NPSR1: variants seen among roughly 807,000 people sequenced by gnomAD.
NPSR1 encodes neuropeptide S receptor.
Under a neutral mutation model 46.9 loss-of-function variants are expected in NPSR1, and 48 were observed. That is an observed-to-expected ratio of 1.02 (90% CI 0.81 to 1.30). The LOEUF is 1.30. Among genes scored for constraint, NPSR1 ranks in the 50% most tolerant of loss-of-function variants. The pLI, the probability that NPSR1 is intolerant of heterozygous loss-of-function variation, is 0.00. For synonymous variants in NPSR1, 176 were observed against 168.1 expected, an observed-to-expected ratio of 1.05 and a Z score of -0.36; for missense variants, 450 against 449.5, an observed-to-expected ratio of 1.00 and a Z score of -0.01.
At chr7:34,871,911 G>T (rs1356954700) in intron 8 of NPSR1, among the ~76,000 whole-genome samples, 1 of 151,818 alleles carries the variant, frequency 6.6e-6, no homozygotes, top group African/African-American at 2.4e-5. Context: ...TTTGCAAGCT[G>T]CCAATCTACC....
At chr7:34,718,074 A>G (rs1405458002) in intron 2 of NPSR1, among the ~76,000 whole-genome samples, 1 of 152,182 alleles carries the variant, frequency 6.6e-6, no homozygotes, top group Non-Finnish European at 1.5e-5. Context: ...AATATTGAGA[A>G]CCCAAAAGAA....
intron 2 of NPSR1, chr7:34,751,909 G>A (rs1785556540): frequency 1.4e-6 from 2 of 1,460,926 alleles, no homozygotes; most frequent in Non-Finnish European, 9.6e-7. Flanking sequence ...GTCTCCCGCA[G>A]TCACTCAAAC....
At chr7:34,848,740 T>A in intron 8 of NPSR1, 77 bp downstream of exon 8, 1 of 1,306,636 alleles carries the variant, frequency 7.7e-7, no homozygotes, top group Non-Finnish European at 1.1e-6. Flanking sequence ...GGGTTTCTCA[T>A]GTCCAAACTC....
At chr7:34,745,615 C>A (rs1263306825) in intron 2 of NPSR1, among the ~76,000 whole-genome samples, 1 of 152,134 alleles carries the variant, frequency 6.6e-6, no homozygotes, top group Non-Finnish European at 1.5e-5. Context: ...AACTCCTAGG[C>A]TCAAGCCATC....
At chr7:34,742,244 T>G (rs1463595671) in intron 2 of NPSR1, among the ~76,000 whole-genome samples, 2 of 151,990 alleles carry the variant, frequency 1.3e-5, no homozygotes, top group Non-Finnish European at 2.9e-5. Flanking sequence ...AAGGGTTTGT[T>G]GTATAGATTA....
rs754350094 is a variant in NPSR1, at chr7:34,844,994, C to T, written c.844+12C>T. On this transcript the variant is annotated intron_variant, in intron 7 of 8. Coordinates refer to ENST00000360581, the MANE Select transcript of NPSR1 (RefSeq NM_207172.2). ...CATCATCATTCTTGGTAAGCAATGT[C>T]CCTCCTTGAGCTGTAAAGTGGTATG... The T allele has an allele frequency of 1.9e-6, 3 of 1,591,246 alleles. No homozygotes were observed. In the Admixed American group the frequency reaches 5.0e-5, roughly 27 times the overall value.
At chr7:34,695,029 A>G (rs1010356614) in intron 2 of NPSR1, among the ~76,000 whole-genome samples, 1 of 152,208 alleles carries the variant, frequency 6.6e-6, no homozygotes, top group African/African-American at 2.4e-5. Context: ...ATTCTAAGCA[A>G]AAGAAAAAAT....
chr7:34,809,168 C>T (rs976539901), intron 3 of NPSR1, among the ~76,000 whole-genome samples: 37 of 152,236 alleles, frequency 2.4e-4, no homozygotes, highest in African/African-American at 8.7e-4. Context: ...CTGTTTGTTG[C>T]CAGCCTTAAT....
chr7:34,870,950 G>A (rs1300298679), intron 8 of NPSR1, among the ~76,000 whole-genome samples: 1 of 150,904 alleles, frequency 6.6e-6, no homozygotes, highest in Admixed American at 6.6e-5. Flanking sequence ...ATGGATGGAT[G>A]AAAGGAAGGG....
At chr7:34,720,564 C>T (rs1783804589) in intron 2 of NPSR1, among the ~76,000 whole-genome samples, 1 of 151,986 alleles carries the variant, frequency 6.6e-6, no homozygotes, top group Admixed American at 6.5e-5. Context: ...GTAACAGTAC[C>T]ATGTTGAGAG....
intron 1 of NPSR1, among the ~76,000 whole-genome samples, chr7:34,663,094 GC>G (rs11356769): frequency 0.3 from 35,041 of 115,280 alleles, 6,217 homozygotes; most frequent in African/African-American, 0.54. Flanking sequence ...TGTGTGTGTG[GC>G]GGGGGGGAGT....
intron 2 of NPSR1, chr7:34,751,832 T>A: frequency 6.3e-7 from 1 of 1,585,882 alleles, no homozygotes; most frequent in South Asian, 1.1e-5. Flanking sequence ...AGTTGGTAAA[T>A]GAGGGTCACT....
intron 2 of NPSR1, among the ~76,000 whole-genome samples, chr7:34,722,338 A>G (rs1783902779): frequency 6.6e-6 from 1 of 152,252 alleles, no homozygotes; most frequent in Non-Finnish European, 1.5e-5. Flanking sequence ...AAAAAAACCA[A>G]GTTATAATCT....
At chr7:34,671,704 A>G (rs955819009) in intron 1 of NPSR1, among the ~76,000 whole-genome samples, 10 of 152,212 alleles carry the variant, frequency 6.6e-5, no homozygotes, top group Non-Finnish European at 1.0e-4. Context: ...ACTCTGTAGC[A>G]GGAATCCTTC....
chr7:34,821,153 T>TTTTA (rs747960051), intron 4 of NPSR1, among the ~76,000 whole-genome samples: 7 of 135,982 alleles, frequency 5.1e-5, no homozygotes, highest in Non-Finnish European at 9.4e-5. Context: ...TTTTTTTTTT[T>TTTTA]AGACAGAGTC....
At chr7:34,873,027 A>C (rs1169873642) in intron 8 of NPSR1, among the ~76,000 whole-genome samples, 1 of 151,876 alleles carries the variant, frequency 6.6e-6, no homozygotes, top group Non-Finnish European at 1.5e-5. Context: ...TTCTACTGCC[A>C]GATACCCTAG....
rs979337643 is a variant in NPSR1 at position 34,848,477 on chromosome 7, C to A, written c.845-6C>A. ...CTGTGATGCTAATGGCTCTCTTCTCCCCCAGCCTTCATCTGCTGTTGGAGT... is the reference window on the plus strand; with the variant it reads ...CTGTGATGCTAATGGCTCTCTTCTCACCCAGCCTTCATCTGCTGTTGGAGT... On this transcript the variant is annotated splice_polypyrimidine_tract_variant and splice_region_variant and intron_variant, in intron 7 of 8. Coordinates refer to ENST00000360581, the MANE Select transcript of NPSR1 (RefSeq NM_207172.2). 2 of 1,613,590 alleles carry A rather than the reference C, an allele frequency of 1.2e-6. No homozygotes were observed. The highest frequency in any genetic ancestry group is 2.7e-5 in the African/African-American group (2 of 74,924).
At chr7:34,748,937 G>A (rs953619361) in intron 2 of NPSR1, among the ~76,000 whole-genome samples, 3 of 152,116 alleles carry the variant, frequency 2.0e-5, no homozygotes, top group Admixed American at 1.3e-4. Flanking sequence ...AACCTCTAGT[G>A]ATGGGATAAT....
At chr7:34,699,715 C>T (rs1793723321) in intron 2 of NPSR1, among the ~76,000 whole-genome samples, 2 of 152,084 alleles carry the variant, frequency 1.3e-5, no homozygotes, top group Non-Finnish European at 1.5e-5. Flanking sequence ...GAATCAGGGC[C>T]CCACCCTTGT....
Sources: allele counts gnomAD v4.1 joint callset (sites outside exome capture counted in the v4.1 genomes callset), GRCh38; gene constraint gnomAD v4.1.1; transcripts MANE v1.5; gene names NCBI Gene and HGNC (gene_info 2026-07-23, HGNC 2026-07-21).